The following R3HDM4 variants were observed in gnomAD, a reference collection of about 807,000 sequenced individuals.
R3HDM4 encodes the protein R3H domain containing 4.
Under a neutral mutation model 31.3 loss-of-function variants are expected in R3HDM4, and 30 were observed. The observed-to-expected ratio is 0.96, with a 90% confidence interval of 0.72 to 1.30. R3HDM4 has a LOEUF of 1.30. Among genes scored for constraint, R3HDM4 ranks in the 50% most tolerant of loss-of-function variants. The pLI, the probability that R3HDM4 is intolerant of heterozygous loss-of-function variation, is 0.00. For synonymous variants in R3HDM4, 196 were observed against 156.6 expected, an observed-to-expected ratio of 1.25 and a Z score of -1.88; for missense variants, 444 against 366.1, an observed-to-expected ratio of 1.21 and a Z score of -1.74.
intron 1 of R3HDM4, among the ~76,000 whole-genome samples, chr19:904,105 C>T (rs2036873642): frequency 6.6e-6 from 1 of 152,138 alleles, no homozygotes; most frequent in Non-Finnish European, 1.5e-5. Flanking sequence ...TCACAAACCC[C>T]CACACCACAG....
chr19:899,761 G>A lies in R3HDM4; in HGVS notation c.562-75C>T, dbSNP rs1599356657. On this transcript the variant is annotated intron_variant, in intron 5 of 7. Transcript: ENST00000361574. This position sits in a 1 kb window ranked among gnomAD's most constrained non-coding sequence, Gnocchi z 6.8. ...GGGCCAGGGAGGTCCAGGGCCCCCA[G>A]GAGCCCACAGCGCTGGGCTCAAACA... 8.2e-7 allele frequency: 1 copy of A among 1,225,246 alleles called. No individual in the cohort carries two copies. The allele number at this position is 1,225,246 out of a possible 1,614,324, so 75.9% of individuals were successfully genotyped here. A position where few individuals can be genotyped will look rare whatever the true frequency, so the allele number is the denominator to read the frequency against.
chr19:906,633 T>C (rs8112519), intron 1 of R3HDM4, among the ~76,000 whole-genome samples: 18,220 of 152,012 alleles, frequency 0.12, 2,047 homozygotes, highest in African/African-American at 0.3. Context: ...AGCTGCCACT[T>C]GCTTGTTTTC....
chr19:900,627 C>T (rs1428211250), intron 4 of R3HDM4, among the ~76,000 whole-genome samples: 2 of 128,310 alleles, frequency 1.6e-5, no homozygotes, highest in East Asian at 2.7e-4. Context: ...CCATATCCTG[C>T]CCCCCATCGC....
Position 902,024 on chromosome 19 carries a change from G to C in R3HDM4, c.178C>G (p.Leu60Val). 6.2e-7 allele frequency: 1 copy of C among 1,613,910 alleles called. No homozygotes were observed. Among genetic ancestry groups the C allele is most frequent in the South Asian group, 1.1e-5 (1 of 91,092 alleles). Residue 60 changes from leucine (L) to valine (V), a missense_variant, in exon 2 of 8, where the codon CTC (leucine) becomes GTC (valine). By Grantham distance (32) the Leu-to-Val change is conservative. Transcript: ENST00000361574. ...TTCCGCCCCTTGGCCTTGGGCACGA[G>C]GTCTGAGTTCCGCACTGCCTGGTTG... ...FINQAVRNSDLVPKAKGRKSL... is the reference protein window; with the variant it reads ...FINQAVRNSDVVPKAKGRKSL...
At chr19:898,392 G>A (rs12976746) in intron 7 of R3HDM4, among the ~76,000 whole-genome samples, 25,740 of 120,600 alleles carry the variant, frequency 0.21, 3,315 homozygotes, top group South Asian at 0.28. Context: ...GTGACAGAGC[G>A]AGACTTGGTC....
chr19:903,522 C>T (rs994914792), intron 1 of R3HDM4, among the ~76,000 whole-genome samples: 31 of 151,890 alleles, frequency 2.0e-4, no homozygotes, highest in South Asian at 1.0e-3. Flanking sequence ...GGGAGGTAGG[C>T]GCGCACCGCA....
In R3HDM4 at chr19:899,780, T is replaced by C; in HGVS notation, c.562-94A>G. 1 of 1,050,164 alleles carries C rather than the reference T, an allele frequency of 9.5e-7. No homozygotes were observed. Among genetic ancestry groups the C allele is most frequent in the Non-Finnish European group, 1.4e-6 (1 of 736,988 alleles). 65.1% of individuals were successfully genotyped at this position (1,050,164 alleles called of 1,614,324 possible). On this transcript the variant is annotated intron_variant, in intron 5 of 7. Transcript: ENST00000361574. The surrounding 1 kb of genome is among the most constrained non-coding windows in gnomAD (Gnocchi z 6.8). ...CCCCCAGGAGCCCACAGCGCTGGGC[T>C]CAAACATGACCTCTGACCCACCACG... is the stretch of plus-strand genomic sequence containing the variant.
At chr19:901,950 G>C in intron 2 of R3HDM4, 26 bp downstream of exon 2, 2 of 1,612,064 alleles carry the variant, frequency 1.2e-6, no homozygotes, top group South Asian at 2.2e-5. Flanking sequence ...GGAGCCCCCA[G>C]GAGGCGCCTC....
chr19:901,024 C>A (rs2145287051), intron 3 of R3HDM4, 72 bp from the exon 4 acceptor site: 1 of 1,483,504 alleles, frequency 6.7e-7, no homozygotes, highest in East Asian at 2.5e-5. Context: ...GGCAAATGGG[C>A]ACGGTAAGGC....
At chr19:911,828 G>C (rs2036974535) in intron 1 of R3HDM4, among the ~76,000 whole-genome samples, 1 of 152,058 alleles carries the variant, frequency 6.6e-6, no homozygotes. Context: ...GCTCCTGCTT[G>C]CCAGGTTTTA....
intron 1 of R3HDM4, among the ~76,000 whole-genome samples, chr19:903,135 T>C (rs540088607): frequency 1.5e-4 from 22 of 151,386 alleles, no homozygotes; most frequent in African/African-American, 4.6e-4. Context: ...CCTTCAGAAA[T>C]GGAGAGTCAA....
intron 5 of R3HDM4, 49 bp downstream of exon 5, chr19:900,012 A>G (rs776379157): frequency 6.3e-5 from 100 of 1,577,372 alleles, no homozygotes; most frequent in Non-Finnish European, 8.4e-5. Context: ...CGGGCCTTCA[A>G]AAAAGACCAG....
rs2036749055 is a variant in R3HDM4, at chr19:897,146, C to A, written c.*291G>T. The A allele has an allele frequency of 2.8e-6, 1 of 362,872 alleles. No homozygotes were observed. Among genetic ancestry groups the A allele is most frequent in the Non-Finnish European group, 5.0e-6 (1 of 201,482 alleles). The allele number at this position is 362,872 out of a possible 1,614,324, so 22.5% of individuals were successfully genotyped here. ...CTCCTCACTTGAGCTTCAGACCGGG[C>A]CAGAAAAGCTCAACGATGAAGAAAC... On this transcript the variant is annotated 3_prime_UTR_variant, in exon 8 of 8. Transcript: ENST00000361574.
intron 1 of R3HDM4, among the ~76,000 whole-genome samples, chr19:909,003 G>A (rs1467150000): frequency 6.6e-6 from 1 of 152,220 alleles, no homozygotes; most frequent in Non-Finnish European, 1.5e-5. Flanking sequence ...CCAAGGGCTG[G>A]TTCATCTGTT....
intron 1 of R3HDM4, among the ~76,000 whole-genome samples, chr19:911,892 C>T (rs2036975293): frequency 6.6e-6 from 1 of 151,782 alleles, no homozygotes; most frequent in African/African-American, 2.4e-5. Context: ...CCGGGTCTGC[C>T]CGGAAAGGCA....
Position 899,587 on chromosome 19 carries a change from C to T in R3HDM4, c.647+14G>A. On this transcript the variant is annotated intron_variant, in intron 6 of 7. Transcript: ENST00000361574. This position sits in a 1 kb window ranked among gnomAD's most constrained non-coding sequence, Gnocchi z 6.8. ...AGCCTCGGAGGGTCCGCTCGCCTGG[C>T]CGCCCCCCCTTACCTGTTGTCTAGC... The T allele has an allele frequency of 6.2e-7, 1 of 1,612,186 alleles. No homozygotes were observed. Among genetic ancestry groups the T allele is most frequent in the Non-Finnish European group, 8.5e-7 (1 of 1,179,322 alleles).
At chr19:906,608 A>C (rs1389410221) in intron 1 of R3HDM4, among the ~76,000 whole-genome samples, 4 of 152,094 alleles carry the variant, frequency 2.6e-5, no homozygotes, top group African/African-American at 9.7e-5. Flanking sequence ...GCCTGGGATG[A>C]ATTCCCCTCA....
intron 7 of R3HDM4, among the ~76,000 whole-genome samples, chr19:898,063 G>A (rs1336986616): frequency 2.0e-5 from 3 of 152,016 alleles, no homozygotes; most frequent in Admixed American, 2.0e-4. Flanking sequence ...AGGTCAGGAG[G>A]TCGAGACCAG....
chr19:911,613 T>C (rs534031182), intron 1 of R3HDM4, among the ~76,000 whole-genome samples: 4 of 152,286 alleles, frequency 2.6e-5, no homozygotes, highest in Admixed American at 2.0e-4. Context: ...AACTGAGGCA[T>C]GGAAGCATGA....
Sources: allele counts gnomAD v4.1 joint callset (sites outside exome capture counted in the v4.1 genomes callset), GRCh38; gene constraint gnomAD v4.1.1; non-coding constraint Gnocchi (gnomAD v3.1); transcripts MANE v1.5; gene names NCBI Gene and HGNC (gene_info 2026-07-23, HGNC 2026-07-21).